CDH12: variants seen among roughly 807,000 people sequenced by gnomAD.
CDH12 encodes the protein cadherin 12.
CDH12 carries 41 observed loss-of-function variants against 74.1 expected under a neutral mutation model. That is an observed-to-expected ratio of 0.55 (90% confidence interval 0.43 to 0.72). The LOEUF (loss-of-function observed/expected upper bound fraction) is 0.72. Among genes scored for constraint, CDH12 ranks in the 30% least tolerant of loss-of-function variants. The pLI is 0.00. For missense variants in CDH12, 945 were observed against 977.2 expected, an observed-to-expected ratio of 0.97 and a Z score of 0.44; for synonymous variants, 399 against 355.0, an observed-to-expected ratio of 1.12 and a Z score of -1.39.
chr5:22,284,695 C>T (rs1489732775), intron 3 of CDH12, among the ~76,000 whole-genome samples: 2 of 152,022 alleles, frequency 1.3e-5, no homozygotes, highest in African/African-American at 4.8e-5. Flanking sequence ...CTACACCATC[C>T]CATACTCACA....
In CDH12 at chr5:22,480,350, A is replaced by G. The variant is rs115069539; in HGVS notation, c.-428+24920T>C. On this transcript the variant is annotated intron_variant, in intron 2 of 14. Coordinates refer to ENST00000382254, the MANE Select transcript of CDH12 (RefSeq NM_004061.5). Reference sequence around the variant, plus strand: ...GTAATCCCAGCACTTTGCAAGGCCAAGGTAAGCCCATCGCTTGAGCCCAGG... The same window carrying G: ...GTAATCCCAGCACTTTGCAAGGCCAGGGTAAGCCCATCGCTTGAGCCCAGG... 7.1e-3 allele frequency among the ~76,000 whole-genome samples: 1,086 copies of G among 152,072 alleles called. 11 individuals are homozygous for G. The highest frequency in any genetic ancestry group is 0.025 in the African/African-American group (1,050 of 41,464).
rs139693723 is a variant in CDH12, at chr5:21,791,717, T to C, written c.1257-8223A>G. The stretch of plus-strand genomic sequence containing the variant: ...AAAGGTTTTAACATTTGAATAGAAA[T>C]CAGAAATTAAAACATTAACCTAGTC... On this transcript the variant is annotated intron_variant, in intron 10 of 14. Transcript: ENST00000382254. 5.6e-3 allele frequency among the ~76,000 whole-genome samples: 845 copies of C among 151,822 alleles called. 10 individuals are homozygous for C. Among genetic ancestry groups the C allele is most frequent in the African/African-American group, 0.02 (814 of 41,448 alleles).
chr5:22,666,452 G>A (rs1399964817), intron 1 of CDH12, among the ~76,000 whole-genome samples: 1 of 151,770 alleles, frequency 6.6e-6, no homozygotes, highest in Non-Finnish European at 1.5e-5. Context: ...ACTACGCCCG[G>A]CTAATTTTTG....
At chr5:22,717,277 T>C (rs574643781) in intron 1 of CDH12, among the ~76,000 whole-genome samples, 1 of 152,262 alleles carries the variant, frequency 6.6e-6, no homozygotes, top group African/African-American at 2.4e-5. Flanking sequence ...ACTTTTACTG[T>C]GTCATTTCAA....
chr5:21,953,969 A>G (rs1199444702), intron 6 of CDH12, among the ~76,000 whole-genome samples: 1 of 152,136 alleles, frequency 6.6e-6, no homozygotes, highest in African/African-American at 2.4e-5. Context: ...CCAATTGCAA[A>G]TGAATTAATT....
intron 1 of CDH12, among the ~76,000 whole-genome samples, chr5:22,840,979 C>T (rs1432906386): frequency 6.6e-6 from 1 of 152,046 alleles, no homozygotes; most frequent in African/African-American, 2.4e-5. Flanking sequence ...GGGAAGGATG[C>T]AGGGAAAACG....
chr5:22,435,632 A>G (rs896806624), intron 2 of CDH12, among the ~76,000 whole-genome samples: 3 of 151,926 alleles, frequency 2.0e-5, no homozygotes, highest in Admixed American at 2.0e-4. Context: ...CTTTCCCAAA[A>G]CAGACCTCCT....
At chr5:22,461,433 G>T (rs1745514114) in intron 2 of CDH12, among the ~76,000 whole-genome samples, 1 of 149,540 alleles carries the variant, frequency 6.7e-6, no homozygotes, top group Non-Finnish European at 1.5e-5. Flanking sequence ...GTATTCAAGT[G>T]AAGTCAACCA....
intron 3 of CDH12, among the ~76,000 whole-genome samples, chr5:22,399,628 A>T (rs543469012): frequency 6.6e-6 from 1 of 152,270 alleles, no homozygotes; most frequent in East Asian, 1.9e-4. Context: ...CAGAGAGTAA[A>T]TCCAGCCACT....
At chr5:22,277,018 T>C (rs774926731) in intron 3 of CDH12, among the ~76,000 whole-genome samples, 1 of 152,222 alleles carries the variant, frequency 6.6e-6, no homozygotes, top group Non-Finnish European at 1.5e-5. Flanking sequence ...AGCTAAGTGA[T>C]GCAGCCAGAA....
chr5:22,686,683 G>A (rs548236249), intron 1 of CDH12, among the ~76,000 whole-genome samples: 1 of 152,274 alleles, frequency 6.6e-6, no homozygotes, highest in African/African-American at 2.4e-5. Flanking sequence ...TTAATCAGTA[G>A]GATGGGGGTG....
chr5:22,138,873 T>TATATATATATATAC (rs1561151408), intron 4 of CDH12, among the ~76,000 whole-genome samples: 3 of 139,416 alleles, frequency 2.2e-5, no homozygotes, highest in East Asian at 2.0e-4. Context: ...TATATATATA[T>TATATATATATATAC]ATACATGTTG....
chr5:22,386,564 A>G (rs1742009909), intron 3 of CDH12, among the ~76,000 whole-genome samples: 1 of 152,184 alleles, frequency 6.6e-6, no homozygotes, highest in African/African-American at 2.4e-5. Flanking sequence ...TTTCTAAAAA[A>G]TGACATAAAA....
intron 3 of CDH12, among the ~76,000 whole-genome samples, chr5:22,302,229 C>G (rs1471481963): frequency 1.3e-5 from 2 of 152,080 alleles, no homozygotes; most frequent in African/African-American, 4.8e-5. Context: ...AGTACATCCG[C>G]TCTACATACA....
chr5:22,125,436 T>G (rs6452057), intron 4 of CDH12, among the ~76,000 whole-genome samples: 88,858 of 151,988 alleles, frequency 0.58, 26,532 homozygotes, highest in African/African-American at 0.71. Context: ...CAAAAGACAT[T>G]AATTCTTTCT....
rs554555212 is a variant in CDH12, at chr5:22,142,406, T to C, written c.-186-63544A>G. On this transcript the variant is annotated intron_variant, in intron 4 of 14. Coordinates refer to ENST00000382254, the MANE Select transcript of CDH12 (RefSeq NM_004061.5). ...ACAAAAACCAAAGAAAAAACATAAT[T>C]TCTTAAATCATGGTCTGTCACTGAA... 7.3e-4 allele frequency: 394 copies of C among 540,132 alleles called. 1 individual carries two copies. The highest frequency in any genetic ancestry group is 1.2e-3 in the Non-Finnish European group (349 of 279,516). The allele number at this position is 540,132 out of a possible 1,614,324, so 33.5% of individuals were successfully genotyped here.
At chr5:22,229,129 T>A (rs1752296970) in intron 3 of CDH12, among the ~76,000 whole-genome samples, 1 of 151,236 alleles carries the variant, frequency 6.6e-6, no homozygotes. Context: ...AATTTACAAA[T>A]CCTTTTTCTT....
Position 22,122,955 on chromosome 5 carries a change from C to G in CDH12, c.-186-44093G>C, listed in dbSNP as rs1315249101. Among the ~76,000 whole-genome samples the G allele has an allele frequency of 2.0e-5, 3 of 152,152 alleles. No homozygotes were observed. In the South Asian group the frequency reaches 6.2e-4, roughly 32 times the overall value. Reference sequence around the variant, plus strand: ...TTCAGACTTTGAAATATAGCTAAACCATTGGCTCTCTTGGGTCTCTAGCCT... The same window carrying G: ...TTCAGACTTTGAAATATAGCTAAACGATTGGCTCTCTTGGGTCTCTAGCCT... On this transcript the variant is annotated intron_variant, in intron 4 of 14. Coordinates refer to ENST00000382254, the MANE Select transcript of CDH12 (RefSeq NM_004061.5).
chr5:22,224,419 C>G (rs1189538933), intron 3 of CDH12, among the ~76,000 whole-genome samples: 1 of 152,016 alleles, frequency 6.6e-6, no homozygotes, highest in Non-Finnish European at 1.5e-5. Context: ...CATGAGGTCA[C>G]TTGGATAATA....
Sources: allele counts gnomAD v4.1 joint callset (sites outside exome capture counted in the v4.1 genomes callset), GRCh38; gene constraint gnomAD v4.1.1; transcripts MANE v1.5; gene names NCBI Gene and HGNC (gene_info 2026-07-23, HGNC 2026-07-21).